The following CHD9NB variants were observed in gnomAD, a reference collection of about 807,000 sequenced individuals.
CHD9NB encodes the protein CHD9 neighbor protein.
chr16:53,049,325 TGTG>T, the CHD9NB span, among the ~76,000 whole-genome samples: 1 of 31,030 alleles, frequency 3.2e-5, no homozygotes, highest in African/African-American at 7.1e-5. Context: ...CCAGCTGTTG[TGTG>T]TGTGTGTGTG....
At chr16:53,045,278 T>C in the CHD9NB span, among the ~76,000 whole-genome samples, 4 of 152,190 alleles carry the variant, frequency 2.6e-5, no homozygotes, top group Non-Finnish European at 5.9e-5. Flanking sequence ...ATGCTAATCT[T>C]ATCTGTTTTG....
the CHD9NB span, among the ~76,000 whole-genome samples, chr16:53,042,370 T>C: frequency 1.4e-5 from 2 of 143,330 alleles, no homozygotes; most frequent in African/African-American, 5.2e-5. Context: ...TCTCCCTACC[T>C]CTTCCCTTTC....
chr16:53,049,601 CA>C, the CHD9NB span, among the ~76,000 whole-genome samples: 1 of 152,096 alleles, frequency 6.6e-6, no homozygotes. Context: ...AAATAGGGGA[CA>C]GGGGAGGGCT....
At chr16:53,044,239 G>A in the CHD9NB span, 1,151 of 398,094 alleles carry the variant, frequency 2.9e-3, 3 homozygotes, top group Non-Finnish European at 4.2e-3. Context: ...GGGGGCCAGC[G>A]TTAAATAACC....
At chr16:53,043,070 G>A in the CHD9NB span, 1 of 152,186 alleles carries the variant, frequency 6.6e-6, no homozygotes, top group Non-Finnish European at 1.5e-5. Context: ...CCCCAATTCT[G>A]TCTTTCAAAT....
chr16:53,045,704 G>A, the CHD9NB span, among the ~76,000 whole-genome samples: 1 of 152,198 alleles, frequency 6.6e-6, no homozygotes, highest in Non-Finnish European at 1.5e-5. Flanking sequence ...CCGGCCTCGG[G>A]CACTTTACAC....
the CHD9NB span, among the ~76,000 whole-genome samples, chr16:53,037,385 A>G: frequency 2.0e-4 from 31 of 152,192 alleles, no homozygotes; most frequent in African/African-American, 7.2e-4. Context: ...TTTAACTGAG[A>G]AAGGACCAGT....
the CHD9NB span, among the ~76,000 whole-genome samples, chr16:53,036,355 T>C: frequency 4.6e-5 from 7 of 152,320 alleles, no homozygotes; most frequent in Admixed American, 6.5e-5. Context: ...GCAGAAGCCA[T>C]TGGTCACCGT....
chr16:53,048,329 T>C, the CHD9NB span, among the ~76,000 whole-genome samples: 1 of 151,834 alleles, frequency 6.6e-6, no homozygotes, highest in African/African-American at 2.4e-5. Context: ...CACTGGAATC[T>C]GGGAGGTGGA....
At chr16:53,040,801 C>T in the CHD9NB span, among the ~76,000 whole-genome samples, 1 of 152,098 alleles carries the variant, frequency 6.6e-6, no homozygotes, top group Admixed American at 6.5e-5. Flanking sequence ...CCTCATGTAA[C>T]TAAAAAATCC....
the CHD9NB span, among the ~76,000 whole-genome samples, chr16:53,038,891 T>G: frequency 6.6e-6 from 1 of 152,208 alleles, no homozygotes; most frequent in African/African-American, 2.4e-5. Flanking sequence ...TTTGGAACAA[T>G]GCTCAGACAT....
the CHD9NB span, among the ~76,000 whole-genome samples, chr16:53,048,354 C>T: frequency 6.6e-6 from 1 of 151,754 alleles, no homozygotes; most frequent in African/African-American, 2.4e-5. Flanking sequence ...TTAGAGATTG[C>T]AGTGTGCCAA....
the CHD9NB span, among the ~76,000 whole-genome samples, chr16:53,045,633 T>C: frequency 6.6e-6 from 1 of 152,216 alleles, no homozygotes; most frequent in African/African-American, 2.4e-5. Context: ...ATTCTTTGTG[T>C]ATGCACACAG....
At chr16:53,043,354 C>T in the CHD9NB span, 5 of 152,180 alleles carry the variant, frequency 3.3e-5, no homozygotes, top group African/African-American at 1.2e-4. Flanking sequence ...CTCTTCTTTC[C>T]TTCCCACCAG....
chr16:53,046,480 C>T, the CHD9NB span, among the ~76,000 whole-genome samples: 15 of 150,896 alleles, frequency 9.9e-5, no homozygotes, highest in African/African-American at 2.7e-4. Flanking sequence ...AGCTCAAGAC[C>T]GGCCTGGCAA....
chr16:53,044,792 A>G, the CHD9NB span, among the ~76,000 whole-genome samples: 4 of 152,228 alleles, frequency 2.6e-5, no homozygotes, highest in African/African-American at 9.6e-5. Flanking sequence ...TGTATTATTT[A>G]ATCTTCATTT....
At chr16:53,037,976 A>T in the CHD9NB span, among the ~76,000 whole-genome samples, 1 of 152,214 alleles carries the variant, frequency 6.6e-6, no homozygotes, top group African/African-American at 2.4e-5. Context: ...AAGAAGTCCC[A>T]TGTTATGCCA....
At chr16:53,051,703 G>A in the CHD9NB span, among the ~76,000 whole-genome samples, 3 of 146,116 alleles carry the variant, frequency 2.1e-5, 1 homozygote, top group Admixed American at 2.1e-4. Flanking sequence ...CACCAACATG[G>A]CACATGTATA....
chr16:53,050,753 C>A, the CHD9NB span, among the ~76,000 whole-genome samples: 9 of 152,094 alleles, frequency 5.9e-5, no homozygotes, highest in African/African-American at 2.2e-4. Flanking sequence ...GGTACCCAGG[C>A]CCTTTCCCTT....
Sources: gnomAD v4.1 joint callset for allele counts (sites outside exome capture counted in the v4.1 genomes callset) on GRCh38, gnomAD v4.1.1 for gene constraint, MANE v1.5 for transcripts, NCBI Gene and HGNC (gene_info 2026-07-23, HGNC 2026-07-21) for gene names.